The following AP2S1 variants were observed in gnomAD, a reference collection of about 807,000 sequenced individuals.
AP2S1 encodes adaptor related protein complex 2 subunit sigma 1.
Under a neutral mutation model 21.0 loss-of-function variants are expected in AP2S1, and 6 were observed. The observed-to-expected ratio is 0.29, with a 90% CI of 0.16 to 0.56. AP2S1 has a LOEUF of 0.56. Ranked by LOEUF, AP2S1 falls within the 20% of genes least tolerant of loss-of-function variation. The pLI, the probability that AP2S1 is intolerant of heterozygous loss-of-function variation, is 0.92. For missense variants in AP2S1, 60 were observed against 186.2 expected (o/e 0.32, Z 3.95); for synonymous variants, 63 against 74.6 (o/e 0.84, Z 0.80).
chr19:46,850,788 A>AGCGGCCCCGGTCCC lies in AP2S1; in HGVS notation c.-36_-23dup, dbSNP rs2055726017. The AGCGGCCCCGGTCCC allele has an allele frequency of 1.9e-6, 3 of 1,567,396 alleles. No individual in the cohort carries two copies. ...CCATGGCGACCCCCGTCCAGACCCC[A>AGCGGCCCCGGTCCC]GCGGCCCCGGTCCCGCGGCGACTGG... On this transcript the variant is annotated 5_prime_UTR_variant, in exon 1 of 5. Transcript: ENST00000263270.
Position 46,850,798 on chromosome 19 carries a change from G to T in AP2S1, c.-32C>A. The T allele has an allele frequency of 1.3e-6, 2 of 1,551,840 alleles. No individual in the cohort carries two copies. Among genetic ancestry groups the T allele is most frequent in the South Asian group, 2.3e-5 (2 of 85,356 alleles). Reference sequence around the variant, plus strand: ...CCCCGTCCAGACCCCAGCGGCCCCGGTCCCGCGGCGACTGGGCAGCTCCGG... The same window carrying T: ...CCCCGTCCAGACCCCAGCGGCCCCGTTCCCGCGGCGACTGGGCAGCTCCGG... On this transcript the variant is annotated 5_prime_UTR_variant, in exon 1 of 5. Transcript: ENST00000263270.
intron 2 of AP2S1, among the ~76,000 whole-genome samples, chr19:46,845,100 GAAA>G (rs35651566): frequency 3.2e-5 from 3 of 93,876 alleles, no homozygotes; most frequent in African/African-American, 1.3e-4. Flanking sequence ...CTCCATTTCA[GAAA>G]AAAAAAAAAA....
chr19:46,848,085 C>T (rs770431183), intron 1 of AP2S1, among the ~76,000 whole-genome samples: 3 of 152,038 alleles, frequency 2.0e-5, no homozygotes, highest in Non-Finnish European at 2.9e-5. Context: ...AAGGATATTC[C>T]TGGCCGGTCA....
At chr19:46,841,107 C>G (rs1424326020) in intron 2 of AP2S1, among the ~76,000 whole-genome samples, 1 of 152,036 alleles carries the variant, frequency 6.6e-6, no homozygotes, top group Non-Finnish European at 1.5e-5. Context: ...GTGTGCACCA[C>G]CACGCCTGGC....
intron 2 of AP2S1, among the ~76,000 whole-genome samples, chr19:46,843,256 G>A (rs372332): frequency 0.75 from 113,630 of 152,002 alleles, 43,852 homozygotes; most frequent in African/African-American, 0.93. Context: ...ATGCTGGTCC[G>A]GTCACCAGCA....
At chr19:46,845,267 G>T in intron 2 of AP2S1, among the ~76,000 whole-genome samples, 1 of 151,570 alleles carries the variant, frequency 6.6e-6, no homozygotes, top group East Asian at 1.9e-4. Context: ...TTAGCCTGGT[G>T]TTGTGGTGCA....
chr19:46,842,228 C>T (rs551560406), intron 2 of AP2S1, among the ~76,000 whole-genome samples: 1 of 151,980 alleles, frequency 6.6e-6, no homozygotes, highest in Non-Finnish European at 1.5e-5. Flanking sequence ...CTTCCAGTTG[C>T]CTACTCCTCC....
At chr19:46,842,185 A>T (rs2122771790) in intron 2 of AP2S1, among the ~76,000 whole-genome samples, 1 of 152,036 alleles carries the variant, frequency 6.6e-6, no homozygotes, top group East Asian at 1.9e-4. Context: ...TGTCTCAAAT[A>T]ATAATAATAA....
chr19:46,850,722 G>T, intron 1 of AP2S1, 42 bp downstream of exon 1: 1 of 1,498,318 alleles, frequency 6.7e-7, no homozygotes, highest in Non-Finnish European at 9.3e-7. Context: ...TTACGCGTGG[G>T]CCCCCCCTCC....
chr19:46,850,732 C>T, intron 1 of AP2S1, 32 bp downstream of exon 1: 1 of 1,541,662 alleles, frequency 6.5e-7, no homozygotes, highest in Non-Finnish European at 8.9e-7. Flanking sequence ...GCCCCCCCTC[C>T]GCCAGTCCCC....
intron 2 of AP2S1, among the ~76,000 whole-genome samples, chr19:46,840,474 A>G (rs974529920): frequency 6.6e-6 from 1 of 151,396 alleles, no homozygotes; most frequent in Non-Finnish European, 1.5e-5. Context: ...AACCCCATCT[A>G]TACAAAAGTA....
intron 1 of AP2S1, among the ~76,000 whole-genome samples, chr19:46,847,618 G>T (rs2055660275): frequency 6.6e-6 from 1 of 151,808 alleles, no homozygotes; most frequent in South Asian, 2.1e-4. Context: ...TTCCCCCAGG[G>T]CCTGGCAGCC....
At chr19:46,846,404 G>A (rs1435958873) in intron 1 of AP2S1, among the ~76,000 whole-genome samples, 2 of 150,442 alleles carry the variant, frequency 1.3e-5, no homozygotes, top group East Asian at 2.0e-4. Flanking sequence ...CCAGGGCCCC[G>A]AGTCCCAGGC....
chr19:46,850,678 G>A, intron 1 of AP2S1, 86 bp downstream of exon 1: 1 of 1,219,898 alleles, frequency 8.2e-7, no homozygotes, highest in Non-Finnish European at 1.2e-6. Context: ...CGGCAGAGAA[G>A]GGACTTGTCA....
chr19:46,846,140 G>T lies in AP2S1; in HGVS notation c.6C>A (p.Ile2=). Reference sequence around the variant, plus strand: ...CCCGGTTCTGGATGAGGATAAAGCGGATCTGGGGGCAGCAGGAGGAGAAGG... The same window carrying T: ...CCCGGTTCTGGATGAGGATAAAGCGTATCTGGGGGCAGCAGGAGGAGAAGG... M[I]RFILIQNRAG... Residue 2 remains isoleucine, a splice_region_variant and synonymous_variant, in exon 2 of 5, where the codon ATC becomes ATA. Coordinates refer to ENST00000263270, the MANE Select transcript of AP2S1 (RefSeq NM_004069.6). The T allele has an allele frequency of 6.2e-7, 1 of 1,614,058 alleles. No homozygotes were observed. The highest frequency in any genetic ancestry group is 8.5e-7 in the Non-Finnish European group (1 of 1,179,942).
rs569344954 is a variant in AP2S1 at position 46,842,172 on chromosome 19, C to T, written c.154-2594G>A. 4.6e-5 allele frequency among the ~76,000 whole-genome samples: 7 copies of T among 152,094 alleles called. No homozygotes were observed. The South Asian group carries it at 1.5e-3, about 32-fold the overall frequency. The stretch of plus-strand genomic sequence containing the variant: ...CTCCGGCCTGGGGCACAGAGTGAGA[C>T]CCTGTCTCAAATAATAATAATAATA... On this transcript the variant is annotated intron_variant, in intron 2 of 4. Coordinates refer to ENST00000263270, the MANE Select transcript of AP2S1 (RefSeq NM_004069.6).
chr19:46,839,361 G>T, intron 3 of AP2S1, 104 bp downstream of exon 3: 2 of 1,211,926 alleles, frequency 1.7e-6, no homozygotes, highest in Non-Finnish European at 2.4e-6. Context: ...CCCAGTCACT[G>T]CAGAGGGAGG....
Position 46,838,310 on chromosome 19 carries a change from T to A in AP2S1, c.*137A>T. On this transcript the variant is annotated 3_prime_UTR_variant, in exon 5 of 5. Transcript: ENST00000263270. This position sits in a 1 kb window ranked among gnomAD's most constrained non-coding sequence, Gnocchi z 4.1. The stretch of plus-strand genomic sequence containing the variant: ...AGGCAGTGGGGTGCAGTCTCCTCCC[T>A]TGTGGCCCAGACCCAGCTGGGTCCC... 1.3e-6 allele frequency: 1 copy of A among 763,408 alleles called. No homozygotes were observed. Among genetic ancestry groups the A allele is most frequent in the Admixed American group, 2.3e-5 (1 of 44,284 alleles). 47.3% of individuals were successfully genotyped at this position (763,408 alleles called of 1,614,324 possible). A position where few individuals can be genotyped will look rare whatever the true frequency, so the allele number is the denominator to read the frequency against.
At chr19:46,843,645 C>G (rs113722023) in intron 2 of AP2S1, among the ~76,000 whole-genome samples, 3,010 of 152,112 alleles carry the variant, frequency 0.02, 116 homozygotes, top group African/African-American at 0.068. Context: ...ATTGCTTGAC[C>G]CCGAGAGGCA....
Sources: gnomAD v4.1 joint callset for allele counts (sites outside exome capture counted in the v4.1 genomes callset) on GRCh38, gnomAD v4.1.1 for gene constraint, Gnocchi (gnomAD v3.1) non-coding constraint, MANE v1.5 for transcripts, NCBI Gene and HGNC (gene_info 2026-07-23, HGNC 2026-07-21) for gene names.